Variants in DKK2 observed in about 807,000 individuals in gnomAD.
DKK2 encodes the protein dickkopf Wnt signaling pathway inhibitor 2.
DKK2 carries 11 observed loss-of-function variants against 28.1 expected under a neutral mutation model. The observed-to-expected ratio is 0.39, with a 90% CI of 0.25 to 0.65. The LOEUF (loss-of-function observed/expected upper bound fraction) is 0.65. Among genes scored for constraint, DKK2 ranks in the 30% least tolerant of loss-of-function variants. The pLI is 0.47. For missense variants in DKK2, 326 were observed against 335.5 expected, an observed-to-expected ratio of 0.97 and a Z score of 0.22; for synonymous variants, 135 against 126.5, an observed-to-expected ratio of 1.07 and a Z score of -0.45.
chr4:106,994,575 G>A (rs1723246630), intron 1 of DKK2, among the ~76,000 whole-genome samples: 1 of 151,808 alleles, frequency 6.6e-6, no homozygotes, highest in South Asian at 2.1e-4. Context: ...TAATCCAAAA[G>A]ATGTGTTATG....
At chr4:106,979,085 T>A (rs1380606950) in intron 1 of DKK2, among the ~76,000 whole-genome samples, 1 of 152,012 alleles carries the variant, frequency 6.6e-6, no homozygotes, top group Non-Finnish European at 1.5e-5. Context: ...TTGTTTTTTT[T>A]TCAGAATTTA....
rs190056097 is a variant in DKK2 at position 107,008,052 on chromosome 4, G to A, written c.222+27318C>T. ...AATGCCATTGCTCTTTACTAGTTAT[G>A]TCCCAGCTTATGTTTCAGCTGCTGG... is the stretch of plus-strand genomic sequence containing the variant. On this transcript the variant is annotated intron_variant, in intron 1 of 3. Coordinates refer to ENST00000285311, the MANE Select transcript of DKK2 (RefSeq NM_014421.3). Among the ~76,000 whole-genome samples, 17 of 152,150 alleles carry A rather than the reference G, an allele frequency of 1.1e-4. No individual in the cohort carries two copies. The East Asian group carries it at 3.1e-3, about 28-fold the overall frequency.
chr4:106,963,798 T>C (rs537390293), intron 1 of DKK2, among the ~76,000 whole-genome samples: 1 of 152,208 alleles, frequency 6.6e-6, no homozygotes, highest in South Asian at 2.1e-4. Flanking sequence ...ATGGATGAAT[T>C]GATAAAGAAA....
At chr4:107,020,018 T>A (rs1723667537) in intron 1 of DKK2, among the ~76,000 whole-genome samples, 3 of 152,004 alleles carry the variant, frequency 2.0e-5, no homozygotes, top group South Asian at 2.1e-4. Flanking sequence ...AAAAAAAAAA[T>A]TAGTGGTGAG....
chr4:106,996,366 G>C (rs1362835049), intron 1 of DKK2, among the ~76,000 whole-genome samples: 2 of 152,092 alleles, frequency 1.3e-5, no homozygotes, highest in African/African-American at 4.8e-5. Context: ...TCTCTTTCTA[G>C]GAAAGGTAAC....
Position 106,924,008 on chromosome 4 carries a change from C to G in DKK2, c.726G>C (p.Trp242Cys). ...CTTTGGAGGAGTAGGTGGCATCTTTCCATACTTTGCAAGACAGGCCCTTCG... is the reference window on the plus strand; with the variant it reads ...CTTTGGAGGAGTAGGTGGCATCTTTGCATACTTTGCAAGACAGGCCCTTCG... ...DCAKGLSCKV[W>C]KDATYSSKAR... is the part of the protein sequence containing the mutation. Residue 242 changes from tryptophan (W) to cysteine (C), a missense_variant, in exon 4 of 4, where the codon TGG (tryptophan) becomes TGC (cysteine). By Grantham distance (215) the Trp-to-Cys change is radical. Coordinates refer to ENST00000285311, the MANE Select transcript of DKK2 (RefSeq NM_014421.3). 1.9e-6 allele frequency: 3 copies of G among 1,613,968 alleles called. No homozygotes were observed. Among genetic ancestry groups the G allele is most frequent in the Non-Finnish European group, 2.5e-6 (3 of 1,179,910 alleles).
At chr4:106,987,704 G>A (rs1255942110) in intron 1 of DKK2, among the ~76,000 whole-genome samples, 5 of 151,480 alleles carry the variant, frequency 3.3e-5, no homozygotes, top group Non-Finnish European at 7.4e-5. Context: ...TGAAACCCTG[G>A]GGCTGGATGG....
At chr4:106,990,544 T>C (rs1723188622) in intron 1 of DKK2, among the ~76,000 whole-genome samples, 1 of 152,188 alleles carries the variant, frequency 6.6e-6, no homozygotes, top group African/African-American at 2.4e-5. Flanking sequence ...ACTTGACTTA[T>C]CAAAAATGAA....
chr4:106,997,168 T>C (rs1723284095), intron 1 of DKK2, among the ~76,000 whole-genome samples: 1 of 152,188 alleles, frequency 6.6e-6, no homozygotes, highest in African/African-American at 2.4e-5. Flanking sequence ...CCAGTTCTTT[T>C]TCCAGTTATA....
At chr4:106,974,943 T>C (rs1192895043) in intron 1 of DKK2, among the ~76,000 whole-genome samples, 1 of 152,220 alleles carries the variant, frequency 6.6e-6, no homozygotes, top group Non-Finnish European at 1.5e-5. Context: ...TGACAGCTTT[T>C]AGTATAAAGG....
chr4:106,941,126 A>C (rs1195032718), intron 1 of DKK2, among the ~76,000 whole-genome samples: 1 of 151,888 alleles, frequency 6.6e-6, no homozygotes, highest in Non-Finnish European at 1.5e-5. Context: ...AAAATAACAA[A>C]ATAAAAATAA....
chr4:107,014,248 A>C (rs907977395), intron 1 of DKK2, among the ~76,000 whole-genome samples: 1 of 151,646 alleles, frequency 6.6e-6, no homozygotes, highest in African/African-American at 2.4e-5. Context: ...AAAGTCCATC[A>C]ACAGATGAAT....
At chr4:106,976,456 G>A (rs1430754881) in intron 1 of DKK2, among the ~76,000 whole-genome samples, 1 of 152,136 alleles carries the variant, frequency 6.6e-6, no homozygotes, top group African/African-American at 2.4e-5. Flanking sequence ...AGGATAGTTA[G>A]CTCTTCTTGT....
At chr4:106,971,269 G>A (rs1438458642) in intron 1 of DKK2, among the ~76,000 whole-genome samples, 1 of 152,008 alleles carries the variant, frequency 6.6e-6, no homozygotes, top group Non-Finnish European at 1.5e-5. Flanking sequence ...ATTTCTTTGT[G>A]TTATGGATTT....
chr4:107,016,522 T>C (rs1319975118), intron 1 of DKK2, among the ~76,000 whole-genome samples: 1 of 152,008 alleles, frequency 6.6e-6, no homozygotes, highest in Admixed American at 6.6e-5. Flanking sequence ...TCTGTCCTTA[T>C]ATATCCTATT....
intron 1 of DKK2, among the ~76,000 whole-genome samples, chr4:106,985,681 C>T (rs755645557): frequency 6.6e-6 from 1 of 151,354 alleles, no homozygotes. Context: ...TGGTGGCGGG[C>T]GCCTGTAATC....
intron 1 of DKK2, among the ~76,000 whole-genome samples, chr4:106,929,478 A>C (rs1044902735): frequency 2.6e-5 from 4 of 152,190 alleles, no homozygotes; most frequent in African/African-American, 9.6e-5. Flanking sequence ...TCATTATTGC[A>C]TCAGTTATAA....
intron 1 of DKK2, among the ~76,000 whole-genome samples, chr4:106,955,082 T>C (rs1224538153): frequency 6.6e-6 from 1 of 152,196 alleles, no homozygotes; most frequent in African/African-American, 2.4e-5. Flanking sequence ...ATTTGATTTA[T>C]TCATAAATCA....
At chr4:107,026,792 G>T (rs896301793) in intron 1 of DKK2, among the ~76,000 whole-genome samples, 1 of 152,138 alleles carries the variant, frequency 6.6e-6, no homozygotes, top group African/African-American at 2.4e-5. Flanking sequence ...TGTTATCAAG[G>T]ATTTTTCTGT....
Sources: allele counts gnomAD v4.1 joint callset (sites outside exome capture counted in the v4.1 genomes callset), GRCh38; gene constraint gnomAD v4.1.1; transcripts MANE v1.5; gene names NCBI Gene and HGNC (gene_info 2026-07-23, HGNC 2026-07-21).